KIF4B: variants seen among roughly 807,000 people sequenced by gnomAD.
The protein encoded by KIF4B is chromosome-associated kinesin KIF4B.
Under a neutral mutation model 69.0 loss-of-function variants are expected in KIF4B, and 60 were observed. That is an observed-to-expected ratio of 0.87 (90% CI 0.71 to 1.08). The LOEUF is 1.08. KIF4B is among the 50% of genes least tolerant of loss of function. The pLI, the probability that KIF4B is intolerant of heterozygous loss-of-function variation, is 0.00. For missense variants in KIF4B, 1,357 were observed against 1,451.9 expected, an observed-to-expected ratio of 0.93 and a Z score of 1.06; for synonymous variants, 489 against 533.0, an observed-to-expected ratio of 0.92 and a Z score of 1.14.
chr5:155,014,989 T>C lies in KIF4B; in HGVS notation c.1130T>C (p.Ile377Thr). The change falls in exon 1 of 1, where the codon ATA becomes ACA. Residue 377 changes from isoleucine (I) to threonine (T), a missense_variant. Ile to Thr is a moderately conservative substitution (Grantham distance 89). Transcript: ENST00000435029. ...QAHGGTLPGS[I>T]NAEPSENLQS... ...CATGGAGGTACCCTGCCTGGATCTA[T>C]AAATGCAGAACCATCAGAGAATCTA... The C allele has an allele frequency of 6.2e-7, 1 of 1,614,176 alleles. No homozygotes were observed. The highest frequency in any genetic ancestry group is 1.7e-5 in the Admixed American group (1 of 60,034).
rs1765314636 is a variant in KIF4B at position 155,015,705 on chromosome 5, C to A, written c.1846C>A (p.Leu616Met). The change falls in exon 1 of 1, where the codon CTG becomes ATG. Residue 616 changes from leucine to methionine, a missense_variant. By Grantham distance (15) the Leu-to-Met change is conservative. Transcript: ENST00000435029. Reference protein sequence around the residue: ...EGQIADLKKKLNEQSKLLKLK... With the variant: ...EGQIADLKKKMNEQSKLLKLK... ...TCAAATAGCTGATCTGAAGAAGAAA[C>A]TGAATGAGCAGTCCAAACTTCTGAA... The A allele has an allele frequency of 1.9e-6, 3 of 1,614,150 alleles. No individual in the cohort carries two copies. The East Asian group carries it at 6.7e-5, about 36-fold the overall frequency.
Position 155,013,755 on chromosome 5 carries a change from G to A in KIF4B, c.-105G>A. On this transcript the variant is annotated 5_prime_UTR_variant, in exon 1 of 1. Coordinates refer to ENST00000435029, the MANE Select transcript of KIF4B (RefSeq NM_001099293.3). The stretch of plus-strand genomic sequence containing the variant: ...TGCAATTGGTTGGTGTCTCTGGGAG[G>A]GATTTGAAACTTGGCGGTTAAAGCT... 1 of 1,538,832 alleles carries A rather than the reference G, an allele frequency of 6.5e-7. No homozygotes were observed. The highest frequency in any genetic ancestry group is 1.2e-5 in the South Asian group (1 of 80,422).
At position 155,013,805 on chromosome 5, in the gene KIF4B, A is replaced by AC; in HGVS notation, c.-51dup. On this transcript the variant is annotated 5_prime_UTR_variant, in exon 1 of 1. Transcript: ENST00000435029. ...TCCGGCTGGGACAGGGCGGCGGGAGACCCCGGGTGAACGGGGAAGGGACAT... is the reference window on the plus strand; with the variant it reads ...TCCGGCTGGGACAGGGCGGCGGGAGACCCCCGGGTGAACGGGGAAGGGACAT... The AC allele has an allele frequency of 6.3e-7, 1 of 1,598,854 alleles. No individual in the cohort carries two copies. The highest frequency in any genetic ancestry group is 1.3e-5 in the African/African-American group (1 of 74,812).
Position 155,014,670 on chromosome 5 carries a change from G to C in KIF4B, c.811G>C (p.Gly271Arg), listed in dbSNP as rs781306202. 5.5e-5 allele frequency: 89 copies of C among 1,613,910 alleles called. No homozygotes were observed. Among genetic ancestry groups the C allele is most frequent in the Non-Finnish European group, 7.4e-5 (87 of 1,180,020 alleles). ...TATTAACCGAGGCCTCCTATGCTTG[G>C]GAAATGTAATCAGTGCTCTTGGAGA... The part of the protein sequence containing the change: ...ININRGLLCL[G>R]NVISALGDDK... Residue 271 changes from glycine to arginine, a missense_variant, in exon 1 of 1, where the codon GGA becomes CGA. Gly to Arg is a moderately radical substitution (Grantham distance 125). Transcript: ENST00000435029.
In KIF4B at chr5:155,015,458, T is replaced by C. The variant is rs1561756297; in HGVS notation, c.1599T>C (p.Leu533=). The stretch of plus-strand genomic sequence containing the variant: ...AGGTGGTTGAGTTGAATAACGCCCT[T>C]GCACTGAAAGAGGCCCTAGTTAGGA... ...SKEVVELNNA[L]ALKEALVRKM... Residue 533 remains leucine (L), a synonymous_variant, in exon 1 of 1, where the codon CTT becomes CTC. Coordinates refer to ENST00000435029, the MANE Select transcript of KIF4B (RefSeq NM_001099293.3). The C allele has an allele frequency of 3.1e-6, 5 of 1,614,044 alleles. No individual in the cohort carries two copies. The Admixed American group carries it at 8.3e-5, about 27-fold the overall frequency.
Position 155,017,666 on chromosome 5 carries a change from T to G in KIF4B, c.*102T>G. The G allele has an allele frequency of 6.8e-7, 1 of 1,469,798 alleles. No homozygotes were observed. Among genetic ancestry groups the G allele is most frequent in the Non-Finnish European group, 9.0e-7 (1 of 1,113,038 alleles). 91.0% of individuals were successfully genotyped at this position (1,469,798 alleles called of 1,614,324 possible). On this transcript the variant is annotated 3_prime_UTR_variant, in exon 1 of 1. Transcript: ENST00000435029. ...TGACTTCTCTGGATTTCAGGTTTCTTGCCGTTGAAAAAAAGGAACAAAGCA... is the reference window on the plus strand; with the variant it reads ...TGACTTCTCTGGATTTCAGGTTTCTGGCCGTTGAAAAAAAGGAACAAAGCA...
At position 155,014,826 on chromosome 5, in the gene KIF4B, A is replaced by C; in HGVS notation, c.967A>C (p.Thr323Pro). ...VSPADSNLEE[T>P]LSTLRYADRA... ...TCCTGCTGACTCCAATCTAGAGGAA[A>C]CATTAAGTACCCTTCGCTATGCTGA... The change falls in exon 1 of 1, where the codon ACA (threonine) becomes CCA (proline). Residue 323 changes from threonine (T) to proline (P), a missense_variant. By Grantham distance (38) the Thr-to-Pro change is conservative. Transcript: ENST00000435029. The C allele has an allele frequency of 6.2e-7, 1 of 1,614,190 alleles. No homozygotes were observed. The highest frequency in any genetic ancestry group is 8.5e-7 in the Non-Finnish European group (1 of 1,180,036).
In KIF4B at chr5:155,013,990, G is replaced by A; in HGVS notation, c.131G>A (p.Gly44Asp). 1.2e-6 allele frequency: 2 copies of A among 1,614,228 alleles called. No individual in the cohort carries two copies. The highest frequency in any genetic ancestry group is 1.7e-6 in the Non-Finnish European group (2 of 1,180,046). Residue 44 changes from glycine to aspartate, a missense_variant, in exon 1 of 1, where the codon GGT becomes GAT. Physicochemically the swap from Gly to Asp is moderately conservative, Grantham distance 94 (BLOSUM62 -1). Transcript: ENST00000435029. The part of the protein sequence containing the change: ...FVPGETQVVV[G>D]TDKSFTYDFV... The stretch of plus-strand genomic sequence containing the variant: ...CCCGGGGAGACTCAGGTGGTGGTTG[G>A]TACTGATAAATCCTTCACCTACGAT...
At position 155,015,044 on chromosome 5, in the gene KIF4B, G is replaced by C. The variant is rs1285840446; in HGVS notation, c.1185G>C (p.Leu395=). 6.2e-7 allele frequency: 1 copy of C among 1,614,140 alleles called. No individual in the cohort carries two copies. Among genetic ancestry groups the C allele is most frequent in the Non-Finnish European group, 8.5e-7 (1 of 1,180,026 alleles). Residue 395 remains leucine, a synonymous_variant, in exon 1 of 1, where the codon CTG becomes CTC. Transcript: ENST00000435029. ...CCCTGATGGAGAAGAATCAGTCCCT[G>C]GTAGAGGAGAATGAAAAATTAAGTC... ...LQSLMEKNQS[L]VEENEKLSRC...
In KIF4B at chr5:155,016,605, T is replaced by TC; in HGVS notation, c.2746_2747insC (p.Leu916SerfsTer4). 1 of 1,613,934 alleles carries TC rather than the reference T, an allele frequency of 6.2e-7. No individual in the cohort carries two copies. On this transcript the variant is annotated frameshift_variant, in exon 1 of 1. Transcript: ENST00000435029. LOFTEE classifies it low-confidence loss of function (END_TRUNC). ...TCATTTTTCTGAGATAGAGACAGAG[T>TC]TACAAGCTGAGCTGGTCAGAATGGA...
In KIF4B at chr5:155,016,432, CCA is replaced by C; in HGVS notation, c.2575_2576del (p.Thr859HisfsTer26). 1 of 1,614,182 alleles carries C rather than the reference CCA, an allele frequency of 6.2e-7. No homozygotes were observed. The highest frequency in any genetic ancestry group is 1.1e-5 in the South Asian group (1 of 91,080). Reference sequence around the variant, plus strand: ...CCAAAACAATGCTGGGAGAATATTGCCACCATTCTGGAAGCCAAGTGTGCCCT... The same window carrying C: ...CCAAAACAATGCTGGGAGAATATTGCCCATTCTGGAAGCCAAGTGTGCCCT... On this transcript the variant is annotated frameshift_variant, in exon 1 of 1. Coordinates refer to ENST00000435029, the MANE Select transcript of KIF4B (RefSeq NM_001099293.3). LOFTEE classifies it high-confidence loss of function.
At position 155,014,073 on chromosome 5, in the gene KIF4B, C is replaced by T. The variant is rs1424733954; in HGVS notation, c.214C>T (p.Leu72Phe). Residue 72 changes from leucine (L) to phenylalanine (F), a missense_variant, in exon 1 of 1, where the codon CTC becomes TTC. Leu to Phe is a conservative substitution (Grantham distance 22). Coordinates refer to ENST00000435029, the MANE Select transcript of KIF4B (RefSeq NM_001099293.3). ...AGTCTTCAATAAAGCAGTAGCGCCGCTCATAAAAGGCATATTTAAAGGATA... is the reference window on the plus strand; with the variant it reads ...AGTCTTCAATAAAGCAGTAGCGCCGTTCATAAAAGGCATATTTAAAGGATA... ...EEVFNKAVAP[L>F]IKGIFKGYNA... 3.1e-6 allele frequency: 5 copies of T among 1,614,090 alleles called. No homozygotes were observed. The highest frequency in any genetic ancestry group is 4.2e-6 in the Non-Finnish European group (5 of 1,180,052).
chr5:155,017,818 G>A lies in KIF4B; in HGVS notation c.*254G>A. ...GAGAGAACCAACAGACTTTCCTAAT[G>A]ACTCATCAGGAACCAGTCCTCAGTA... On this transcript the variant is annotated 3_prime_UTR_variant, in exon 1 of 1. Transcript: ENST00000435029. The A allele has an allele frequency of 1.8e-6, 1 of 557,692 alleles. No individual in the cohort carries two copies. The highest frequency in any genetic ancestry group is 3.1e-6 in the Non-Finnish European group (1 of 319,704). The allele number at this position is 557,692 out of a possible 1,614,324, so 34.5% of individuals were successfully genotyped here. A position where few individuals can be genotyped will look rare whatever the true frequency, so the allele number is the denominator to read the frequency against.
rs781281000 is a variant in KIF4B, at chr5:155,013,962, G to A, written c.103G>A (p.Val35Met). ...SEGCQMCLSF[V>M]PGETQVVVGT... Reference sequence around the variant, plus strand: ...GGGCTGCCAGATGTGCCTTTCCTTCGTGCCCGGGGAGACTCAGGTGGTGGT... The same window carrying A: ...GGGCTGCCAGATGTGCCTTTCCTTCATGCCCGGGGAGACTCAGGTGGTGGT... The change falls in exon 1 of 1, where the codon GTG (valine) becomes ATG (methionine). Residue 35 changes from valine to methionine, a missense_variant. By Grantham distance (21) the Val-to-Met change is conservative. Coordinates refer to ENST00000435029, the MANE Select transcript of KIF4B (RefSeq NM_001099293.3). The A allele has an allele frequency of 6.2e-6, 10 of 1,614,124 alleles. No individual in the cohort carries two copies. In the South Asian group the frequency reaches 8.8e-5, roughly 14 times the overall value.
Position 155,014,021 on chromosome 5 carries a change from G to A in KIF4B, c.162G>A (p.Val54=). The change falls in exon 1 of 1, where the codon GTG becomes GTA. Residue 54 remains valine (V), a synonymous_variant. Transcript: ENST00000435029. ...ATAAATCCTTCACCTACGATTTTGT[G>A]TTTGACCCCTGTACTGAGCAGGAAG... The part of the protein sequence containing the change: ...GTDKSFTYDF[V]FDPCTEQEEV... 1.2e-6 allele frequency: 2 copies of A among 1,614,206 alleles called. No homozygotes were observed. Among genetic ancestry groups the A allele is most frequent in the African/African-American group, 1.3e-5 (1 of 75,052 alleles).
chr5:155,015,917 G>A lies in KIF4B; in HGVS notation c.2058G>A (p.Leu686=). 1 of 1,614,220 alleles carries A rather than the reference G, an allele frequency of 6.2e-7. No individual in the cohort carries two copies. The highest frequency in any genetic ancestry group is 8.5e-7 in the Non-Finnish European group (1 of 1,180,040). Residue 686 remains leucine (L), a synonymous_variant, in exon 1 of 1, where the codon CTG becomes CTA. Transcript: ENST00000435029. The part of the protein sequence containing the change: ...KERDRKRQYE[L]LKLERNFQKQ... ...GAGACCGTAAGAGGCAATATGAGCT[G>A]CTCAAACTTGAAAGAAACTTCCAGA...
chr5:155,014,398 CTG>C lies in KIF4B; in HGVS notation c.541_542del (p.Val181PhefsTer17). 6.2e-7 allele frequency: 1 copy of C among 1,614,208 alleles called. No individual in the cohort carries two copies. Among genetic ancestry groups the C allele is most frequent in the Non-Finnish European group, 8.5e-7 (1 of 1,180,048 alleles). ...AAGATTGTGGGACTCACTGAGAAGA[CTG>C]TTTTAGTTGCCTTGGATACTGTTTC... On this transcript the variant is annotated frameshift_variant, in exon 1 of 1. Transcript: ENST00000435029. LOFTEE classifies it high-confidence loss of function.
chr5:155,016,697 GC>G lies in KIF4B; in HGVS notation c.2839del (p.Gln947SerfsTer2), dbSNP rs745457395. ...TGCAGGAAAGCCAAATGGCAGAGAA[GC>G]AGTTAGAGAAATCAGCCAGTGAAAA... ...QLQESQMAEKQLEKSASEKEQ... is the reference protein window; with the variant it reads ...QLQESQMAEKXLEKSASEKEQ... On this transcript the variant is annotated frameshift_variant, in exon 1 of 1. Coordinates refer to ENST00000435029, the MANE Select transcript of KIF4B (RefSeq NM_001099293.3). LOFTEE classifies it low-confidence loss of function (END_TRUNC). 8.1e-6 allele frequency: 13 copies of G among 1,614,210 alleles called. No individual in the cohort carries two copies. The highest frequency in any genetic ancestry group is 3.3e-5 in the Admixed American group (2 of 60,018).
chr5:155,015,328 C>A lies in KIF4B; in HGVS notation c.1469C>A (p.Thr490Asn). Reference sequence around the variant, plus strand: ...GCTTGCACGGCTGCAGCCATTGATACTGCGGTAGAAGAAGAAGCTCAAGTG... The same window carrying A: ...GCTTGCACGGCTGCAGCCATTGATAATGCGGTAGAAGAAGAAGCTCAAGTG... ...TVACTAAAID[T>N]AVEEEAQVET... The change falls in exon 1 of 1, where the codon ACT becomes AAT. Residue 490 changes from threonine (T) to asparagine (N), a missense_variant. Coordinates refer to ENST00000435029, the MANE Select transcript of KIF4B (RefSeq NM_001099293.3). The A allele has an allele frequency of 6.2e-7, 1 of 1,614,196 alleles. No homozygotes were observed. Among genetic ancestry groups the A allele is most frequent in the South Asian group, 1.1e-5 (1 of 91,084 alleles).
Sources: gnomAD v4.1 joint callset for allele counts on GRCh38, gnomAD v4.1.1 for gene constraint, MANE v1.5 for transcripts, NCBI Gene and HGNC (gene_info 2026-07-23, HGNC 2026-07-21) for gene names.